Variants in ATRNL1 observed in about 807,000 individuals in gnomAD.
ATRNL1 encodes attractin-like protein 1.
ATRNL1 carries 95 observed loss-of-function variants against 182.7 expected under a neutral mutation model. The observed-to-expected ratio is 0.52, with a 90% CI of 0.44 to 0.62. The LOEUF is 0.62. Among genes scored for constraint, ATRNL1 ranks in the 20% least tolerant of loss-of-function variants. The probability of loss-of-function intolerance (pLI) is 0.00; values close to 1 mark genes in which losing one functional copy is unlikely to be tolerated. For synonymous variants in ATRNL1, 576 were observed against 568.3 expected, an observed-to-expected ratio of 1.01 and a Z score of -0.19; for missense variants, 1,471 against 1,679.5, an observed-to-expected ratio of 0.88 and a Z score of 2.17.
intron 26 of ATRNL1, among the ~76,000 whole-genome samples, chr10:115,684,801 A>T (rs79848559): frequency 1.3e-5 from 2 of 151,714 alleles, no homozygotes; most frequent in African/African-American, 4.8e-5. Flanking sequence ...TGTAATGCAC[A>T]TATAGTGTAA....
Position 115,093,805 on chromosome 10 carries a change from G to T in ATRNL1, c.55G>T (p.Val19Leu), listed in dbSNP as rs782654677. 24 of 1,489,382 alleles carry T rather than the reference G, an allele frequency of 1.6e-5. No individual in the cohort carries two copies. The highest frequency in any genetic ancestry group is 2.1e-5 in the Non-Finnish European group (23 of 1,121,178). 92.3% of individuals were successfully genotyped at this position (1,489,382 alleles called of 1,614,324 possible). Residue 19 changes from valine to leucine, a missense_variant, in exon 1 of 29, where the codon GTG becomes TTG. By Grantham distance (32) the Val-to-Leu change is conservative. Around this residue, in one of 3 missense-constraint regions of ATRNL1, gnomAD observed 1,031 missense variants for 1,156.0 expected, o/e 0.89. Transcript: ENST00000355044. The surrounding 1 kb of genome is among the most constrained non-coding windows in gnomAD (Gnocchi z 6.1). ...TGTPQPAAPG[V>L]WRARPAGGGG... ...TACCCCGCAGCCAGCGGCCCCGGGGGTGTGGAGGGCTCGGCCGGCGGGCGG... is the reference window on the plus strand; with the variant it reads ...TACCCCGCAGCCAGCGGCCCCGGGGTTGTGGAGGGCTCGGCCGGCGGGCGG...
At chr10:115,113,692 G>A (rs994259742) in intron 1 of ATRNL1, among the ~76,000 whole-genome samples, 4 of 152,180 alleles carry the variant, frequency 2.6e-5, no homozygotes, top group African/African-American at 9.7e-5. Flanking sequence ...CCCCAGCCAC[G>A]TGGAACTGTA....
intron 26 of ATRNL1, among the ~76,000 whole-genome samples, chr10:115,653,894 G>A (rs1324590851): frequency 7.9e-5 from 12 of 152,226 alleles, no homozygotes; most frequent in Admixed American, 3.3e-4. Context: ...ACCTACAAAT[G>A]CAATCTTAAA....
At chr10:115,808,388 T>C (rs892755508) in intron 27 of ATRNL1, among the ~76,000 whole-genome samples, 1 of 152,198 alleles carries the variant, frequency 6.6e-6, no homozygotes, top group Admixed American at 6.5e-5. Context: ...AAATAAAATA[T>C]CCTGATTATG....
intron 8 of ATRNL1, among the ~76,000 whole-genome samples, chr10:115,212,070 G>A (rs1467517495): frequency 3.3e-5 from 5 of 151,152 alleles, no homozygotes; most frequent in African/African-American, 1.2e-4. Context: ...CTCAATGCAG[G>A]TTTGTTATGT....
chr10:115,366,717 G>T (rs1342991027), intron 19 of ATRNL1, among the ~76,000 whole-genome samples: 1 of 151,786 alleles, frequency 6.6e-6, no homozygotes, highest in South Asian at 2.1e-4. Flanking sequence ...AGGCCTGGTG[G>T]TGACAAAATC....
chr10:115,114,076 A>G (rs1046719593), intron 1 of ATRNL1, among the ~76,000 whole-genome samples: 6 of 152,172 alleles, frequency 3.9e-5, no homozygotes, highest in Admixed American at 1.3e-4. Flanking sequence ...ATGGAACAGG[A>G]TAGAGAGCCC....
chr10:115,421,976 A>AAT (rs1845670262), intron 20 of ATRNL1, among the ~76,000 whole-genome samples: 2 of 152,258 alleles, frequency 1.3e-5, no homozygotes, highest in Admixed American at 6.5e-5. Context: ...ATGGTGCTGT[A>AAT]ATACCTGGCT....
intron 15 of ATRNL1, among the ~76,000 whole-genome samples, chr10:115,289,748 G>A (rs536815583): frequency 6.6e-6 from 1 of 152,226 alleles, no homozygotes; most frequent in African/African-American, 2.4e-5. Flanking sequence ...GTATGTTTAT[G>A]TTTTTATACC....
chr10:115,648,297 A>G (rs927382850), intron 26 of ATRNL1, among the ~76,000 whole-genome samples: 1 of 152,230 alleles, frequency 6.6e-6, no homozygotes, highest in African/African-American at 2.4e-5. Flanking sequence ...GCTCAGTGAA[A>G]TAAAAGAGGA....
chr10:115,223,036 T>G (rs1158081902), intron 9 of ATRNL1, among the ~76,000 whole-genome samples: 1 of 152,146 alleles, frequency 6.6e-6, no homozygotes, highest in African/African-American at 2.4e-5. Context: ...TCCTAGCACT[T>G]TGGAGAGCTG....
chr10:115,713,451 G>GTGTGTGTGTGTGTT (rs1555055216), intron 26 of ATRNL1, among the ~76,000 whole-genome samples: 1 of 85,118 alleles, frequency 1.2e-5, no homozygotes, highest in African/African-American at 3.6e-5. Context: ...GGCTGTGTGT[G>GTGTGTGTGTGTGTT]TGTGTGTGTG....
chr10:115,702,145 A>G (rs572807126), intron 26 of ATRNL1, among the ~76,000 whole-genome samples: 98 of 152,218 alleles, frequency 6.4e-4, no homozygotes, highest in African/African-American at 2.3e-3. Context: ...GATTCAACAC[A>G]TAAACAGAAT....
At chr10:115,221,812 A>G (rs1211800248) in intron 9 of ATRNL1, among the ~76,000 whole-genome samples, 1 of 152,150 alleles carries the variant, frequency 6.6e-6, no homozygotes, top group African/African-American at 2.4e-5. Flanking sequence ...GAATCATCAT[A>G]ATCTTTTATT....
chr10:115,672,401 A>G (rs1427854585), intron 26 of ATRNL1, among the ~76,000 whole-genome samples: 1 of 152,134 alleles, frequency 6.6e-6, no homozygotes, highest in Non-Finnish European at 1.5e-5. Context: ...TATTTTAGGA[A>G]TTACTCATAG....
intron 14 of ATRNL1, among the ~76,000 whole-genome samples, chr10:115,284,567 A>T (rs545805066): frequency 9.2e-5 from 14 of 152,320 alleles, no homozygotes; most frequent in Admixed American, 9.1e-4. Context: ...ATGGTACCCA[A>T]TTTAATCCTT....
chr10:115,767,741 A>G (rs1250251810), intron 27 of ATRNL1, among the ~76,000 whole-genome samples: 1 of 152,068 alleles, frequency 6.6e-6, no homozygotes. Context: ...TTTATAGCTC[A>G]GCTTACTCTA....
intron 24 of ATRNL1, among the ~76,000 whole-genome samples, chr10:115,489,147 T>C (rs1179016238): frequency 1.3e-5 from 2 of 152,206 alleles, no homozygotes; most frequent in African/African-American, 4.8e-5. Flanking sequence ...CTTACAATCA[T>C]GTGGTCAATT....
intron 28 of ATRNL1, among the ~76,000 whole-genome samples, chr10:115,849,557 G>A (rs1555099918): frequency 6.6e-6 from 1 of 152,162 alleles, no homozygotes; most frequent in Non-Finnish European, 1.5e-5. Context: ...TACCTCAGCT[G>A]TGTTTTCTAA....
Sources: allele counts gnomAD v4.1 joint callset (sites outside exome capture counted in the v4.1 genomes callset), GRCh38; gene constraint gnomAD v4.1.1; regional missense constraint gnomAD v4.1.1; non-coding constraint Gnocchi (gnomAD v3.1); transcripts MANE v1.5; gene names NCBI Gene and HGNC (gene_info 2026-07-23, HGNC 2026-07-21).